RADIL: variants seen among roughly 807,000 people sequenced by gnomAD.
The protein encoded by RADIL is ras-associating and dilute domain-containing protein.
Under a neutral mutation model 97.6 loss-of-function variants are expected in RADIL, and 99 were observed. The ratio of observed to expected loss-of-function variants is 1.01; its 90% CI spans 0.86 to 1.20. The LOEUF (loss-of-function observed/expected upper bound fraction) is 1.20, where lower values mean the gene tolerates loss of function less well. RADIL is among the 50% of genes most tolerant of loss of function. The pLI is 0.00. For synonymous variants in RADIL, 803 were observed against 691.8 expected (o/e 1.16, Z -2.52); for missense variants, 1,765 against 1,498.9 (o/e 1.18, Z -2.93).
intron 11 of RADIL, among the ~76,000 whole-genome samples, 161 bp from the exon 12 acceptor site, chr7:4,802,156 G>C (rs531751576): frequency 1.1e-4 from 17 of 152,326 alleles, no homozygotes; most frequent in African/African-American, 3.8e-4. Context: ...AAGAGGCAAA[G>C]GGGCTTCCCC....
intron 2 of RADIL, among the ~76,000 whole-genome samples, chr7:4,845,732 T>TA (rs1216907806): frequency 6.6e-6 from 1 of 152,196 alleles, no homozygotes; most frequent in African/African-American, 2.4e-5. Flanking sequence ...TCACACTAAT[T>TA]AGAGTCTTAC....
At position 4,837,538 on chromosome 7, in the gene RADIL, C is replaced by A. The variant is rs1783331510; in HGVS notation, c.536-933G>T. Among the ~76,000 whole-genome samples, 1 of 152,172 alleles carries A rather than the reference C, an allele frequency of 6.6e-6. No individual in the cohort carries two copies. Among genetic ancestry groups the A allele is most frequent in the African/African-American group, 2.4e-5 (1 of 41,438 alleles). ...TCTGATACCCCCAAGCCAAAGCAGG[C>A]ACACACACAAACACACGTGTGCATA... is the stretch of plus-strand genomic sequence containing the variant. On this transcript the variant is annotated intron_variant, in intron 2 of 14. Coordinates refer to ENST00000399583, the MANE Select transcript of RADIL (RefSeq NM_018059.5). This position sits in a 1 kb window ranked among gnomAD's most constrained non-coding sequence, Gnocchi z 5.6.
Position 4,834,570 on chromosome 7 carries a change from G to A in RADIL, c.1416+37C>T, listed in dbSNP as rs932798159. On this transcript the variant is annotated intron_variant, in intron 4 of 14. Coordinates refer to ENST00000399583, the MANE Select transcript of RADIL (RefSeq NM_018059.5). This position sits in a 1 kb window ranked among gnomAD's most constrained non-coding sequence, Gnocchi z 6.0. The stretch of plus-strand genomic sequence containing the variant: ...TCCGGGCCCCCTCTTCCCCCAGACC[G>A]GCACAGGACCCAGACCGCCCACCCC... 5 of 1,306,760 alleles carry A rather than the reference G, an allele frequency of 3.8e-6. No individual in the cohort carries two copies. Among genetic ancestry groups the A allele is most frequent in the Non-Finnish European group, 4.9e-6 (5 of 1,023,282 alleles). The allele number at this position is 1,306,760 out of a possible 1,614,324, so 80.9% of individuals were successfully genotyped here.
intron 9 of RADIL, chr7:4,806,170 G>C (rs891194757): frequency 1.4e-6 from 1 of 710,356 alleles, no homozygotes; most frequent in Non-Finnish European, 1.7e-6. Context: ...TGTTTTTTGA[G>C]ACAGAGTCTC....
At chr7:4,859,632 G>C in intron 2 of RADIL, 1 of 424,234 alleles carries the variant, frequency 2.4e-6, no homozygotes, top group Non-Finnish European at 4.3e-6. Flanking sequence ...GGTTCAGTTG[G>C]CAGATATTGT....
At position 4,801,664 on chromosome 7, in the gene RADIL, G is replaced by A; in HGVS notation, c.2831C>T (p.Ala944Val). ...QRNGLSGLRG[A>V]APEGDSAALA... ...CAGGCAGGGCTCACCTTCCGGAGCT[G>A]CACCCCGGAGGCCGCTGAGTCCGTT... Residue 944 changes from alanine (A) to valine (V), a missense_variant, in exon 12 of 15, where the codon GCA (alanine) becomes GTA (valine). Ala to Val is a moderately conservative substitution (Grantham distance 64, BLOSUM62 0). Coordinates refer to ENST00000399583, the MANE Select transcript of RADIL (RefSeq NM_018059.5). The A allele has an allele frequency of 6.3e-7, 1 of 1,598,136 alleles. No individual in the cohort carries two copies. Among genetic ancestry groups the A allele is most frequent in the Non-Finnish European group, 8.5e-7 (1 of 1,173,676 alleles).
At chr7:4,802,731 G>T (rs1056607215) in intron 11 of RADIL, among the ~76,000 whole-genome samples, 15 of 93,796 alleles carry the variant, frequency 1.6e-4, no homozygotes, top group East Asian at 3.4e-4. Context: ...CTCGGGGCAC[G>T]CTGGCTGGGC....
At chr7:4,848,832 T>C (rs7803124) in intron 2 of RADIL, among the ~76,000 whole-genome samples, 62,011 of 151,868 alleles carry the variant, frequency 0.41, 12,812 homozygotes, top group South Asian at 0.54. Flanking sequence ...CATAGTAGGA[T>C]ACGTTTGTTA....
intron 9 of RADIL, among the ~76,000 whole-genome samples, chr7:4,810,249 CCT>C (rs1562431142): frequency 6.6e-6 from 1 of 152,130 alleles, no homozygotes; most frequent in Non-Finnish European, 1.5e-5. Context: ...CTGCAAACCC[CCT>C]GTGCTTAAGC....
chr7:4,834,674 TG>T lies in RADIL; in HGVS notation c.1348del (p.His450ThrfsTer14). On this transcript the variant is annotated frameshift_variant, in exon 4 of 15. Coordinates refer to ENST00000399583, the MANE Select transcript of RADIL (RefSeq NM_018059.5). LOFTEE classifies it high-confidence loss of function. The surrounding 1 kb of genome is among the most constrained non-coding windows in gnomAD (Gnocchi z 6.0). Reference sequence around the variant, plus strand: ...CTGCCCGAATGTGCCCGGCTGGAAGTGGGTGGCCGAGTGCTGGATGCAGAGG... The same window carrying T: ...CTGCCCGAATGTGCCCGGCTGGAAGTGGTGGCCGAGTGCTGGATGCAGAGG... ...LCLCIQHSAT[H>X]FQPGTFGQLL... 3.6e-6 allele frequency: 5 copies of T among 1,372,840 alleles called. No individual in the cohort carries two copies. Among genetic ancestry groups the T allele is most frequent in the Non-Finnish European group, 4.7e-6 (5 of 1,057,148 alleles). The allele number at this position is 1,372,840 out of a possible 1,614,324, so 85.0% of individuals were successfully genotyped here. A position where few individuals can be genotyped will look rare whatever the true frequency, so the allele number is the denominator to read the frequency against.
intron 2 of RADIL, chr7:4,861,834 G>GAACGTCCCCCACCACCGCGACCTT: frequency 1.6e-6 from 2 of 1,268,418 alleles, no homozygotes; most frequent in African/African-American, 1.6e-5. Flanking sequence ...CCCCGCCAGG[G>GAACGTCCCCCACCACCGCGACCTT]CACGTCCCCC....
rs780115860 is a variant in RADIL, at chr7:4,801,736, G to A, written c.2759C>T (p.Pro920Leu). 6.2e-7 allele frequency: 1 copy of A among 1,610,598 alleles called. No individual in the cohort carries two copies. The highest frequency in any genetic ancestry group is 8.5e-7 in the Non-Finnish European group (1 of 1,179,140). ...LGPEPGDPDW[P>L]ESGGPCGKAL... ...TTTTCCACAGGGGCCGCCGGACTCT[G>A]GCCAGTCGGGGTCCCCAGGCTCAGG... Residue 920 changes from proline to leucine, a missense_variant, in exon 12 of 15, where the codon CCA becomes CTA. By Grantham distance (98) the Pro-to-Leu change is moderately conservative (BLOSUM62 -3). Transcript: ENST00000399583.
chr7:4,820,094 T>C (rs1308479174), intron 6 of RADIL, among the ~76,000 whole-genome samples: 1 of 152,218 alleles, frequency 6.6e-6, no homozygotes, highest in Non-Finnish European at 1.5e-5. Context: ...TGACTCTTCC[T>C]GTGGGGGCCG....
chr7:4,849,463 C>T lies in RADIL; in HGVS notation c.536-12858G>A, dbSNP rs1252812069. Among the ~76,000 whole-genome samples the T allele has an allele frequency of 1.3e-5, 2 of 152,196 alleles. No individual in the cohort carries two copies. The highest frequency in any genetic ancestry group is 4.8e-5 in the African/African-American group (2 of 41,446). The stretch of plus-strand genomic sequence containing the variant: ...TAACATCTCTGGAACTGGAAGGCAT[C>T]CTGTATTCTGTGGAATGTCGGCCAG... On this transcript the variant is annotated intron_variant, in intron 2 of 14. Transcript: ENST00000399583. This position sits in a 1 kb window ranked among gnomAD's most constrained non-coding sequence, Gnocchi z 5.4.
intron 4 of RADIL, among the ~76,000 whole-genome samples, chr7:4,832,980 G>T (rs1783190418): frequency 6.6e-6 from 1 of 152,180 alleles, no homozygotes; most frequent in African/African-American, 2.4e-5. Context: ...GGTGCAGGGG[G>T]AAGAGGTGGA....
chr7:4,798,511 TGAG>T lies in RADIL; in HGVS notation c.*864_*866del, dbSNP rs1781979516. The T allele has an allele frequency of 6.6e-6, 1 of 152,446 alleles. No homozygotes were observed. Among genetic ancestry groups the T allele is most frequent in the Admixed American group, 6.5e-5 (1 of 15,288 alleles). The allele number at this position is 152,446 out of a possible 1,614,324, so 9.4% of individuals were successfully genotyped here. A position where few individuals can be genotyped will look rare whatever the true frequency, so the allele number is the denominator to read the frequency against. Reference sequence around the variant, plus strand: ...ACCCACACCCAGTTGGTGGAGCTGCTGAGGATGCCCAGCGACCCACGCTGTCAC... The same window carrying T: ...ACCCACACCCAGTTGGTGGAGCTGCTGATGCCCAGCGACCCACGCTGTCAC... On this transcript the variant is annotated 3_prime_UTR_variant, in exon 15 of 15. Transcript: ENST00000399583.
Position 4,803,602 on chromosome 7 carries a change from T to TGCCGG in RADIL, c.2442_2443insCCGGC (p.Ser815ProfsTer59). 1.3e-6 allele frequency: 2 copies of TGCCGG among 1,548,716 alleles called. No homozygotes were observed. Among genetic ancestry groups the TGCCGG allele is most frequent in the African/African-American group, 1.4e-5 (1 of 73,108 alleles). On this transcript the variant is annotated frameshift_variant, in exon 11 of 15. Coordinates refer to ENST00000399583, the MANE Select transcript of RADIL (RefSeq NM_018059.5). LOFTEE classifies it high-confidence loss of function. Reference sequence around the variant, plus strand: ...CCAGGCCTGCCAGGGCTGCCGGGGCTGGCTCTGCTCCGCAGACCCCACAGA... The same window carrying TGCCGG: ...CCAGGCCTGCCAGGGCTGCCGGGGCTGCCGGGGCTCTGCTCCGCAGACCCCACAGA...
chr7:4,804,919 A>AC (rs1782244400), intron 10 of RADIL, among the ~76,000 whole-genome samples: 1 of 150,268 alleles, frequency 6.7e-6, no homozygotes, highest in South Asian at 2.1e-4. Flanking sequence ...AGATGGTGAA[A>AC]CCCGTCTCTA....
At position 4,877,692 on chromosome 7, in the gene RADIL, G is replaced by C. The variant is rs547243389; in HGVS notation, c.448C>G (p.Arg150Gly). 4 of 1,614,136 alleles carry C rather than the reference G, an allele frequency of 2.5e-6. No individual in the cohort carries two copies. The highest frequency in any genetic ancestry group is 1.6e-4 in the Middle Eastern group (1 of 6,062). ...PLLIQELWKP[R>G]EGLSRRFELR... ...TCAAACCTCCGGGATAAACCTTCTC[G>C]GGGTTTCCATAATTCCTGGATCAAG... is the stretch of plus-strand genomic sequence containing the variant. The change falls in exon 2 of 15, where the codon CGA becomes GGA. Residue 150 changes from arginine (R) to glycine (G), a missense_variant. Physicochemically the swap from Arg to Gly is moderately radical, Grantham distance 125. Coordinates refer to ENST00000399583, the MANE Select transcript of RADIL (RefSeq NM_018059.5).
Sources: allele counts gnomAD v4.1 joint callset (sites outside exome capture counted in the v4.1 genomes callset), GRCh38; gene constraint gnomAD v4.1.1; non-coding constraint Gnocchi (gnomAD v3.1); transcripts MANE v1.5; gene names NCBI Gene and HGNC (gene_info 2026-07-23, HGNC 2026-07-21).